ABI1: variants seen among roughly 807,000 people sequenced by gnomAD.
The protein encoded by ABI1 is abl interactor 1.
Under a neutral mutation model 54.6 loss-of-function variants are expected in ABI1, and 14 were observed. The ratio of observed to expected loss-of-function variants is 0.26; its 90% confidence interval spans 0.17 to 0.40. The LOEUF (loss-of-function observed/expected upper bound fraction) is 0.40. Among genes scored for constraint, ABI1 ranks in the 10% least tolerant of loss-of-function variants. The pLI is 1.00. For synonymous variants in ABI1, 194 were observed against 209.3 expected, an observed-to-expected ratio of 0.93 and a Z score of 0.63; for missense variants, 443 against 598.3, an observed-to-expected ratio of 0.74 and a Z score of 2.71.
intron 3 of ABI1, among the ~76,000 whole-genome samples, chr10:26,772,388 T>C (rs1006134704): frequency 2.0e-5 from 3 of 152,150 alleles, no homozygotes; most frequent in Non-Finnish European, 4.4e-5. Flanking sequence ...TACTAAATAC[T>C]ATCCTAAAAT....
rs568352376 is a variant in ABI1, at chr10:26,746,874, T to G, written c.*1696A>C. On this transcript the variant is annotated 3_prime_UTR_variant, in exon 11 of 11. Transcript: ENST00000376140. The stretch of plus-strand genomic sequence containing the variant: ...TGCATTGAAGTCCACATGAGTTATA[T>G]TTTAACAGTATCCAAAATTTCATAT... The G allele has an allele frequency of 1.9e-5, 6 of 313,802 alleles. No individual in the cohort carries two copies. In the South Asian group the frequency reaches 2.3e-4, roughly 12 times the overall value. The allele number at this position is 313,802 out of a possible 1,614,324, so 19.4% of individuals were successfully genotyped here. A position where few individuals can be genotyped will look rare whatever the true frequency, so the allele number is the denominator to read the frequency against.
chr10:26,837,878 G>A (rs555620015), intron 1 of ABI1, among the ~76,000 whole-genome samples: 94 of 151,174 alleles, frequency 6.2e-4, no homozygotes, highest in African/African-American at 2.2e-3. Context: ...GCCTCCCAAA[G>A]TGCTGAGATT....
chr10:26,752,144 AG>A (rs1837714367), intron 9 of ABI1, among the ~76,000 whole-genome samples: 1 of 152,220 alleles, frequency 6.6e-6, no homozygotes, highest in Non-Finnish European at 1.5e-5. Flanking sequence ...TTTGGACTGC[AG>A]TAATGATATG....
At chr10:26,772,907 T>C (rs1306642753) in intron 3 of ABI1, among the ~76,000 whole-genome samples, 1 of 151,406 alleles carries the variant, frequency 6.6e-6, no homozygotes, top group Non-Finnish European at 1.5e-5. Context: ...ACCCCTTCTC[T>C]TGAAAAAAAA....
intron 1 of ABI1, among the ~76,000 whole-genome samples, chr10:26,848,710 G>A (rs552500929): frequency 6.8e-6 from 1 of 147,880 alleles, no homozygotes; most frequent in African/African-American, 2.5e-5. Flanking sequence ...CCAGGTTCCA[G>A]TGATTCTCCT....
chr10:26,851,161 G>C (rs1161790308), intron 1 of ABI1, among the ~76,000 whole-genome samples: 1 of 152,008 alleles, frequency 6.6e-6, no homozygotes, highest in Non-Finnish European at 1.5e-5. Context: ...AGGTTAAAGA[G>C]TGAATGAAAA....
chr10:26,759,361 C>A, intron 7 of ABI1, 123 bp from the exon 8 acceptor site: 21 of 665,490 alleles, frequency 3.2e-5, no homozygotes, highest in East Asian at 6.5e-5. Context: ...AAGACCAAGG[C>A]ACAAAATAAA....
intron 1 of ABI1, among the ~76,000 whole-genome samples, chr10:26,848,984 T>C (rs965160434): frequency 6.6e-6 from 1 of 152,178 alleles, no homozygotes; most frequent in East Asian, 1.9e-4. Context: ...TCAATATACA[T>C]AGTAGTATAC....
At chr10:26,822,157 T>C (rs576787320) in intron 2 of ABI1, among the ~76,000 whole-genome samples, 155 of 151,026 alleles carry the variant, frequency 1.0e-3, no homozygotes, top group African/African-American at 3.2e-3. Flanking sequence ...ACCATATTAA[T>C]AGACATATAT....
At chr10:26,796,938 C>T (rs1359676937) in intron 2 of ABI1, among the ~76,000 whole-genome samples, 3 of 152,116 alleles carry the variant, frequency 2.0e-5, no homozygotes, top group African/African-American at 7.2e-5. Flanking sequence ...GTTTGCGCTC[C>T]TGTGAGAATC....
chr10:26,817,578 A>T (rs928130665), intron 2 of ABI1, among the ~76,000 whole-genome samples: 4 of 152,160 alleles, frequency 2.6e-5, no homozygotes, highest in South Asian at 4.1e-4. Context: ...TTAGTGCTTA[A>T]CAGGTACATT....
At chr10:26,845,400 TG>T (rs1442604171) in intron 1 of ABI1, among the ~76,000 whole-genome samples, 1 of 152,176 alleles carries the variant, frequency 6.6e-6, no homozygotes, top group African/African-American at 2.4e-5. Flanking sequence ...CGCAGCACTT[TG>T]GGAGGCTGAG....
intron 7 of ABI1, among the ~76,000 whole-genome samples, chr10:26,760,888 CAAAAAAAAAAAAAAAAA>C (rs57750390): frequency 4.0e-5 from 2 of 49,442 alleles, no homozygotes; most frequent in African/African-American, 7.2e-5. Flanking sequence ...GACTCCATCT[CAAAAAAAAAAAAAAAAA>C]AAAAAAAAAA....
intron 1 of ABI1, among the ~76,000 whole-genome samples, chr10:26,859,441 A>G (rs1721673333): frequency 6.6e-6 from 1 of 152,272 alleles, no homozygotes; most frequent in South Asian, 2.1e-4. Context: ...TAAACAATTT[A>G]GTTCTGAATT....
At chr10:26,827,283 G>A (rs935130845) in intron 1 of ABI1, among the ~76,000 whole-genome samples, 5 of 148,958 alleles carry the variant, frequency 3.4e-5, no homozygotes, top group East Asian at 2.0e-4. Flanking sequence ...GTGCAGTGGC[G>A]TGATCTCGGC....
At chr10:26,826,559 G>T (rs555419834) in intron 1 of ABI1, among the ~76,000 whole-genome samples, 58 of 152,288 alleles carry the variant, frequency 3.8e-4, no homozygotes, top group Middle Eastern at 3.4e-3. Flanking sequence ...GCCTTTGAAG[G>T]CCAGGCATGG....
intron 10 of ABI1, among the ~76,000 whole-genome samples, chr10:26,751,317 G>A (rs1270718156): frequency 6.6e-6 from 1 of 152,110 alleles, no homozygotes; most frequent in African/African-American, 2.4e-5. Context: ...TGCCTTAGCT[G>A]TTTCATCTAT....
chr10:26,770,962 C>A (rs1840615259), intron 4 of ABI1, 113 bp downstream of exon 4: 12 of 1,079,470 alleles, frequency 1.1e-5, no homozygotes, highest in East Asian at 2.4e-5. Flanking sequence ...CTACATAAAT[C>A]CTACAGGGAA....
intron 6 of ABI1, among the ~76,000 whole-genome samples, chr10:26,767,051 T>C (rs760164868): frequency 2.0e-5 from 3 of 152,194 alleles, no homozygotes; most frequent in Non-Finnish European, 4.4e-5. Context: ...CTGATCCCTG[T>C]TCTAACAGAA....
Sources: gnomAD v4.1 joint callset for allele counts (sites outside exome capture counted in the v4.1 genomes callset) on GRCh38, gnomAD v4.1.1 for gene constraint, MANE v1.5 for transcripts, NCBI Gene and HGNC (gene_info 2026-07-23, HGNC 2026-07-21) for gene names.